MAP4K5: variants seen among roughly 807,000 people sequenced by gnomAD.
MAP4K5 encodes the protein MAPK/ERK kinase kinase kinase 5.
Under a neutral mutation model 135.6 loss-of-function variants are expected in MAP4K5, and 82 were observed. The ratio of observed to expected loss-of-function variants is 0.60; its 90% CI spans 0.51 to 0.73. The LOEUF (loss-of-function observed/expected upper bound fraction) is 0.73, where lower values mean the gene tolerates loss of function less well. MAP4K5 is among the 30% of genes least tolerant of loss of function. The probability of loss-of-function intolerance (pLI) is 0.00; values close to 1 mark genes in which losing one functional copy is unlikely to be tolerated. For synonymous variants in MAP4K5, 347 were observed against 335.0 expected, an observed-to-expected ratio of 1.04 and a Z score of -0.39; for missense variants, 907 against 1,010.9, an observed-to-expected ratio of 0.90 and a Z score of 1.39.
intron 3 of MAP4K5, among the ~76,000 whole-genome samples, chr14:50,488,941 T>A (rs2037425644): frequency 6.6e-6 from 1 of 152,240 alleles, no homozygotes; most frequent in Non-Finnish European, 1.5e-5. Flanking sequence ...TTGTAGTTTA[T>A]CCTGAGAGGT....
intron 9 of MAP4K5, 80 bp from the exon 10 acceptor site, chr14:50,468,862 C>T (rs2036892751): frequency 7.4e-7 from 1 of 1,350,328 alleles, no homozygotes; most frequent in Admixed American, 2.0e-5. Flanking sequence ...AATCACCAGA[C>T]TTGTTGGAGG....
chr14:50,489,035 T>C (rs777066717), intron 3 of MAP4K5, among the ~76,000 whole-genome samples: 68 of 152,244 alleles, frequency 4.5e-4, no homozygotes, highest in African/African-American at 1.6e-3. Flanking sequence ...GAAATTCGGA[T>C]AGTTGATTTT....
chr14:50,420,695 CT>C (rs2035709374), intron 32 of MAP4K5, among the ~76,000 whole-genome samples: 5 of 152,004 alleles, frequency 3.3e-5, no homozygotes, highest in Admixed American at 3.3e-4. Flanking sequence ...TAATATAATA[CT>C]TTAGGGATTT....
intron 3 of MAP4K5, among the ~76,000 whole-genome samples, chr14:50,491,133 T>A (rs1287558054): frequency 6.6e-6 from 1 of 151,636 alleles, no homozygotes; most frequent in African/African-American, 2.4e-5. Context: ...GACCCTCAGA[T>A]TTTTTTTCAA....
intron 26 of MAP4K5, among the ~76,000 whole-genome samples, chr14:50,435,673 C>T (rs968562280): frequency 5.9e-5 from 9 of 151,928 alleles, no homozygotes; most frequent in Admixed American, 3.9e-4. Context: ...TGAGTTCTGA[C>T]AAGGTCTAGG....
chr14:50,439,358 A>C (rs1292123934), intron 23 of MAP4K5, among the ~76,000 whole-genome samples: 3 of 150,976 alleles, frequency 2.0e-5, no homozygotes, highest in Non-Finnish European at 3.0e-5. Context: ...AAAGCCTAAA[A>C]CACCACCTAC....
intron 5 of MAP4K5, among the ~76,000 whole-genome samples, chr14:50,484,391 A>G (rs1291158850): frequency 2.0e-5 from 3 of 152,172 alleles, no homozygotes; most frequent in Non-Finnish European, 4.4e-5. Flanking sequence ...TACTATATTG[A>G]TAAGTTTTTT....
intron 3 of MAP4K5, among the ~76,000 whole-genome samples, chr14:50,503,611 G>C (rs1014247669): frequency 6.6e-6 from 1 of 151,856 alleles, no homozygotes; most frequent in Non-Finnish European, 1.5e-5. Flanking sequence ...TATAATATTA[G>C]GTTGGCAAAA....
chr14:50,485,133 A>G (rs1281362418), intron 5 of MAP4K5, among the ~76,000 whole-genome samples: 2 of 152,156 alleles, frequency 1.3e-5, no homozygotes, highest in Non-Finnish European at 2.9e-5. Flanking sequence ...ATTAATATGA[A>G]TACTAAATAA....
intron 15 of MAP4K5, among the ~76,000 whole-genome samples, chr14:50,448,126 T>C (rs2036399151): frequency 6.6e-6 from 1 of 152,176 alleles, no homozygotes; most frequent in South Asian, 2.1e-4. Context: ...CAATTCTCCC[T>C]GCCTCAGCCT....
In MAP4K5 at chr14:50,456,510, A is replaced by C; in HGVS notation, c.1015+6T>G. Reference sequence around the variant, plus strand: ...CACCAATGGAAAATGTAAACCAAACACATACAATTTATTTCTGAAGCTGTC... The same window carrying C: ...CACCAATGGAAAATGTAAACCAAACCCATACAATTTATTTCTGAAGCTGTC... On this transcript the variant is annotated splice_donor_region_variant and intron_variant, in intron 14 of 32. Transcript: ENST00000682126. The C allele has an allele frequency of 1.3e-6, 2 of 1,558,180 alleles. No individual in the cohort carries two copies. Among genetic ancestry groups the C allele is most frequent in the Non-Finnish European group, 1.7e-6 (2 of 1,146,616 alleles).
chr14:50,476,417 G>A, intron 6 of MAP4K5, 111 bp from the exon 7 acceptor site: 1 of 521,826 alleles, frequency 1.9e-6, no homozygotes. Flanking sequence ...TGTCTTTTTT[G>A]GGGAGAAAAA....
chr14:50,440,744 TCAAA>T (rs894975731), intron 21 of MAP4K5, among the ~76,000 whole-genome samples: 28 of 152,204 alleles, frequency 1.8e-4, no homozygotes, highest in South Asian at 4.1e-4. Context: ...GCAAGACACC[TCAAA>T]CACTCTTTTG....
chr14:50,555,808 T>C (rs1165053926), intron 1 of MAP4K5, among the ~76,000 whole-genome samples: 1 of 152,224 alleles, frequency 6.6e-6, no homozygotes, highest in African/African-American at 2.4e-5. Flanking sequence ...GTAAATGTCA[T>C]TTTTTGGTTA....
intron 28 of MAP4K5, among the ~76,000 whole-genome samples, chr14:50,430,718 A>C (rs2035950235): frequency 6.6e-6 from 1 of 152,050 alleles, no homozygotes; most frequent in South Asian, 2.1e-4. Context: ...AAACTTTCTG[A>C]TATAGGACTG....
chr14:50,550,264 C>T (rs1380459649), intron 1 of MAP4K5, among the ~76,000 whole-genome samples: 3 of 152,210 alleles, frequency 2.0e-5, no homozygotes, highest in Non-Finnish European at 4.4e-5. Context: ...TAAGCCAGAA[C>T]TGAAGCCTGT....
intron 13 of MAP4K5, among the ~76,000 whole-genome samples, chr14:50,461,129 G>C (rs2036702216): frequency 1.3e-5 from 2 of 152,048 alleles, no homozygotes; most frequent in Admixed American, 1.3e-4. Context: ...GGGTTCAAGA[G>C]ATCCTCCTGC....
intron 1 of MAP4K5, 144 bp from the exon 2 acceptor site, chr14:50,532,302 T>G (rs2038414380): frequency 2.4e-6 from 1 of 420,054 alleles, no homozygotes. Context: ...CGGCGCCCCG[T>G]ATCCCCGTTC....
intron 32 of MAP4K5, 30 bp from the exon 33 acceptor site, chr14:50,420,136 G>A (rs1458621661): frequency 8.0e-7 from 1 of 1,251,838 alleles, no homozygotes; most frequent in Non-Finnish European, 1.2e-6. Flanking sequence ...AAGGGCTTAA[G>A]AGTAACTACA....
Sources: gnomAD v4.1 joint callset for allele counts (sites outside exome capture counted in the v4.1 genomes callset) on GRCh38, gnomAD v4.1.1 for gene constraint, MANE v1.5 for transcripts, NCBI Gene and HGNC (gene_info 2026-07-23, HGNC 2026-07-21) for gene names.